Variants in BCL2 observed in about 807,000 individuals in gnomAD.
The protein encoded by BCL2 is BCL2 apoptosis regulator, also known as apoptosis regulator Bcl-2.
BCL2 carries 1 observed loss-of-function variant against 14.2 expected under a neutral mutation model. The observed-to-expected ratio is 0.07, with a 90% CI of 0.02 to 0.33. The LOEUF (loss-of-function observed/expected upper bound fraction) is 0.33. Among genes scored for constraint, BCL2 ranks in the 10% least tolerant of loss-of-function variants. The probability of loss-of-function intolerance (pLI) is 0.99; values close to 1 mark genes in which losing one functional copy is unlikely to be tolerated. For missense variants in BCL2, 247 were observed against 305.9 expected (o/e 0.81, Z 1.44); for synonymous variants, 151 against 137.2 (o/e 1.10, Z -0.70).
intron 2 of BCL2, among the ~76,000 whole-genome samples, chr18:63,245,083 C>A (rs1278068693): frequency 6.6e-6 from 1 of 152,154 alleles, no homozygotes; most frequent in Non-Finnish European, 1.5e-5. Context: ...ACCTGTTAAC[C>A]CATTACTGGT....
intron 2 of BCL2, among the ~76,000 whole-genome samples, chr18:63,245,738 C>T (rs879357879): frequency 2.0e-5 from 3 of 152,170 alleles, no homozygotes; most frequent in Admixed American, 2.0e-4. Flanking sequence ...CAAGACGTTA[C>T]CATTCAAGAA....
At chr18:63,183,551 C>T (rs1039703102) in intron 2 of BCL2, among the ~76,000 whole-genome samples, 1 of 152,112 alleles carries the variant, frequency 6.6e-6, no homozygotes, top group East Asian at 1.9e-4. Context: ...CCCGTGGGTA[C>T]CTCAGAGGGC....
intron 2 of BCL2, among the ~76,000 whole-genome samples, chr18:63,309,605 C>G (rs1465702924): frequency 1.3e-5 from 2 of 152,124 alleles, no homozygotes; most frequent in Non-Finnish European, 2.9e-5. Flanking sequence ...GACCTCATAC[C>G]TGGTCTCCCC....
intron 2 of BCL2, among the ~76,000 whole-genome samples, chr18:63,311,115 T>C (rs1913306167): frequency 6.6e-6 from 1 of 151,738 alleles, no homozygotes; most frequent in African/African-American, 2.4e-5. Context: ...GTAAATCAGA[T>C]ATCAATATAT....
intron 2 of BCL2, among the ~76,000 whole-genome samples, chr18:63,152,848 C>T (rs892348411): frequency 6.6e-5 from 10 of 152,176 alleles, no homozygotes; most frequent in Non-Finnish European, 1.5e-5. Context: ...TATTTTCCAC[C>T]TATTTGATAA....
intron 2 of BCL2, among the ~76,000 whole-genome samples, chr18:63,219,585 G>A (rs555152152): frequency 4.7e-5 from 7 of 150,446 alleles, no homozygotes; most frequent in East Asian, 2.0e-4. Context: ...GCCTCCTCAC[G>A]CAGCACTTTT....
chr18:63,261,539 A>C (rs2097970645), intron 2 of BCL2, among the ~76,000 whole-genome samples: 2 of 152,206 alleles, frequency 1.3e-5, no homozygotes, highest in South Asian at 4.1e-4. Flanking sequence ...TCCTCCCATA[A>C]GACAACTCAG....
intron 2 of BCL2, among the ~76,000 whole-genome samples, chr18:63,254,687 C>T (rs1050022543): frequency 3.3e-5 from 5 of 152,046 alleles, no homozygotes; most frequent in South Asian, 2.1e-4. Context: ...AATTAATACA[C>T]GTATTTAAAA....
At chr18:63,212,687 C>T (rs1037113265) in intron 2 of BCL2, among the ~76,000 whole-genome samples, 34 of 152,042 alleles carry the variant, frequency 2.2e-4, no homozygotes, top group African/African-American at 8.2e-4. Flanking sequence ...GCAGCCTGGC[C>T]AACATGGTGA....
chr18:63,173,473 G>A (rs1366165616), intron 2 of BCL2, among the ~76,000 whole-genome samples: 1 of 152,168 alleles, frequency 6.6e-6, no homozygotes, highest in African/African-American at 2.4e-5. Flanking sequence ...AAAAATAAAT[G>A]ACATGTATAA....
intron 2 of BCL2, among the ~76,000 whole-genome samples, chr18:63,268,183 AAG>A (rs1165395267): frequency 6.6e-6 from 1 of 152,128 alleles, no homozygotes; most frequent in Non-Finnish European, 1.5e-5. Flanking sequence ...ACCAATGAAA[AAG>A]AGAGGGAGGG....
At chr18:63,141,519 C>T (rs1351938281) in intron 2 of BCL2, among the ~76,000 whole-genome samples, 1 of 152,186 alleles carries the variant, frequency 6.6e-6, no homozygotes. Context: ...CCCCCATATG[C>T]CCACAAAGCC....
intron 2 of BCL2, among the ~76,000 whole-genome samples, chr18:63,243,390 A>G (rs1911067359): frequency 6.6e-6 from 1 of 152,188 alleles, no homozygotes; most frequent in African/African-American, 2.4e-5. Context: ...GAGGGAGAGG[A>G]TCAGGAAAAA....
At chr18:63,175,070 G>A (rs1301337662) in intron 2 of BCL2, among the ~76,000 whole-genome samples, 4 of 151,912 alleles carry the variant, frequency 2.6e-5, no homozygotes, top group Non-Finnish European at 4.4e-5. Flanking sequence ...AAATATTATC[G>A]TCATTCGCAA....
intron 2 of BCL2, among the ~76,000 whole-genome samples, chr18:63,251,475 C>G (rs1911312735): frequency 1.3e-5 from 2 of 151,606 alleles, no homozygotes; most frequent in South Asian, 4.2e-4. Flanking sequence ...AACCCCGTCT[C>G]TACTAAAAAA....
chr18:63,272,596 G>T (rs1912034273), intron 2 of BCL2, among the ~76,000 whole-genome samples: 1 of 152,104 alleles, frequency 6.6e-6, no homozygotes, highest in Non-Finnish European at 1.5e-5. Flanking sequence ...GGCCAATCAG[G>T]TTATCTTTAG....
intron 2 of BCL2, among the ~76,000 whole-genome samples, chr18:63,276,856 CT>C (rs1912166918): frequency 6.6e-6 from 1 of 152,196 alleles, no homozygotes. Context: ...CCCTTTTGTA[CT>C]TCCTTTCTAT....
Position 63,233,330 on chromosome 18 carries a change from T to C in BCL2, c.585+84752A>G, listed in dbSNP as rs146716417. Among the ~76,000 whole-genome samples the C allele has an allele frequency of 4.6e-5, 7 of 152,320 alleles. 1 individual carries two copies. The South Asian group carries it at 1.4e-3, about 32-fold the overall frequency. On this transcript the variant is annotated intron_variant, in intron 2 of 2. Coordinates refer to ENST00000333681, the MANE Select transcript of BCL2 (RefSeq NM_000633.3). ...TAAATCTCAGAAACATAACTTCAAG[T>C]GATAAAGCAAGTTCCAGAAAGATGG...
At chr18:63,227,164 A>T (rs1820882642) in intron 2 of BCL2, among the ~76,000 whole-genome samples, 2 of 152,248 alleles carry the variant, frequency 1.3e-5, no homozygotes, top group South Asian at 4.1e-4. Context: ...GTAATGAAAT[A>T]ATATACTCAA....
Sources: gnomAD v4.1 joint callset for allele counts (sites outside exome capture counted in the v4.1 genomes callset) on GRCh38, gnomAD v4.1.1 for gene constraint, MANE v1.5 for transcripts, NCBI Gene and HGNC (gene_info 2026-07-23, HGNC 2026-07-21) for gene names.